Variants in ZSCAN20 observed in about 807,000 individuals in gnomAD.
ZSCAN20 encodes the protein zinc finger and SCAN domain containing 20, also known as zinc finger and SCAN domain-containing protein 20.
A neutral mutation model predicts 97.1 loss-of-function variants in ZSCAN20; 39 were observed. That is an observed-to-expected ratio of 0.40 (90% CI 0.31 to 0.52). The LOEUF is 0.52. ZSCAN20 is among the 20% of genes least tolerant of loss of function. ZSCAN20 has a pLI of 0.49. For missense variants in ZSCAN20, 1,115 were observed against 1,290.4 expected, an observed-to-expected ratio of 0.86 and a Z score of 2.08; for synonymous variants, 456 against 467.3, an observed-to-expected ratio of 0.98 and a Z score of 0.31.
chr1:33,474,326 A>C (rs1651840612), intron 1 of ZSCAN20, among the ~76,000 whole-genome samples: 1 of 152,228 alleles, frequency 6.6e-6, no homozygotes, highest in Non-Finnish European at 1.5e-5. Flanking sequence ...CTGTCAGCCA[A>C]ATGGGCCTGA....
chr1:33,490,919 T>C, intron 5 of ZSCAN20, 106 bp from the exon 6 acceptor site: 1 of 1,098,544 alleles, frequency 9.1e-7, no homozygotes, highest in South Asian at 1.7e-5. Context: ...CTTGGGAATT[T>C]CTCGTTAGCC....
chr1:33,494,219 T>A lies in ZSCAN20; in HGVS notation c.1875T>A (p.Gly625=). Reference sequence around the variant, plus strand: ...CTGCATTTCTGTCCATTTTTTCAGGTTTTGAAATGAGGCATGAGGATGAAG... The same window carrying A: ...CTGCATTTCTGTCCATTTTTTCAGGATTTGAAATGAGGCATGAGGATGAAG... ...STLCPKAPDM[G]FEMRHEDEDQ... The change falls in exon 8 of 8, where the codon GGT becomes GGA. Residue 625 remains glycine (G), a splice_region_variant and synonymous_variant. Coordinates refer to ENST00000684572, the MANE Select transcript of ZSCAN20 (RefSeq NM_001377376.1). 3 of 1,551,122 alleles carry A rather than the reference T, an allele frequency of 1.9e-6. No homozygotes were observed. Among genetic ancestry groups the A allele is most frequent in the Non-Finnish European group, 2.6e-6 (3 of 1,150,542 alleles).
In ZSCAN20 at chr1:33,491,722, GT is replaced by G. The variant is rs755813920; in HGVS notation, c.1444+21del. 2 of 1,539,216 alleles carry G rather than the reference GT, an allele frequency of 1.3e-6. No individual in the cohort carries two copies. Among genetic ancestry groups the G allele is most frequent in the African/African-American group, 2.8e-5 (2 of 72,130 alleles). ...GTATTGGTAAGAACATGGGGGTTTA[GT>G]CAGATTCAGATTTCCAACCCTCCTA... is the stretch of plus-strand genomic sequence containing the variant. On this transcript the variant is annotated intron_variant, in intron 6 of 7. Transcript: ENST00000684572. The surrounding 1 kb of genome is among the most constrained non-coding windows in gnomAD (Gnocchi z 4.3).
At chr1:33,478,768 C>T (rs1015074206) in intron 1 of ZSCAN20, among the ~76,000 whole-genome samples, 1 of 152,020 alleles carries the variant, frequency 6.6e-6, no homozygotes, top group Non-Finnish European at 1.5e-5. Flanking sequence ...GAAGGTTGGA[C>T]TTTGGACATG....
intron 2 of ZSCAN20, among the ~76,000 whole-genome samples, chr1:33,484,152 A>G (rs765133750): frequency 2.2e-4 from 34 of 152,218 alleles, no homozygotes; most frequent in South Asian, 4.1e-4. Context: ...TTTGTGAACA[A>G]AGAGTCTTTT....
chr1:33,476,513 C>T (rs771903491), intron 1 of ZSCAN20, among the ~76,000 whole-genome samples: 2 of 152,188 alleles, frequency 1.3e-5, no homozygotes, highest in Non-Finnish European at 2.9e-5. Context: ...TGCAGGAACG[C>T]AAATGTCTTT....
chr1:33,483,141 C>T (rs1652217152), intron 2 of ZSCAN20, among the ~76,000 whole-genome samples: 1 of 151,952 alleles, frequency 6.6e-6, no homozygotes, highest in South Asian at 2.1e-4. Context: ...CATTGCTATA[C>T]CTGACATTAT....
chr1:33,491,104 T>C lies in ZSCAN20; in HGVS notation c.846T>C (p.Ser282=). The change falls in exon 6 of 8, where the codon TCT becomes TCC. Residue 282 remains serine, a synonymous_variant. Coordinates refer to ENST00000684572, the MANE Select transcript of ZSCAN20 (RefSeq NM_001377376.1). The surrounding 1 kb of genome is among the most constrained non-coding windows in gnomAD (Gnocchi z 4.3). The part of the protein sequence containing the change: ...PEFWGLSLIN[S]GKRSTADYSL... ...TTTGGGGTCTAAGTCTTATAAATTCTGGGAAAAGGAGCACTGCAGATTACA... is the reference window on the plus strand; with the variant it reads ...TTTGGGGTCTAAGTCTTATAAATTCCGGGAAAAGGAGCACTGCAGATTACA... The C allele has an allele frequency of 6.2e-7, 1 of 1,613,556 alleles. No homozygotes were observed. Among genetic ancestry groups the C allele is most frequent in the Non-Finnish European group, 8.5e-7 (1 of 1,179,944 alleles).
At chr1:33,480,639 A>G (rs1400461539) in intron 2 of ZSCAN20, among the ~76,000 whole-genome samples, 2 of 152,232 alleles carry the variant, frequency 1.3e-5, no homozygotes, top group Non-Finnish European at 2.9e-5. Context: ...TGCTATTATC[A>G]TTGCCATTTG....
Position 33,493,183 on chromosome 1 carries a change from A to G in ZSCAN20, c.1445-4A>G. On this transcript the variant is annotated splice_polypyrimidine_tract_variant and splice_region_variant and intron_variant, in intron 6 of 7. Coordinates refer to ENST00000684572, the MANE Select transcript of ZSCAN20 (RefSeq NM_001377376.1). This position sits in a 1 kb window ranked among gnomAD's most constrained non-coding sequence, Gnocchi z 4.3. ...CACAGTTCTCAACTCTTCACTCCTG[A>G]CAGCAGGTGTGCACTGGGGCTATGA... is the stretch of plus-strand genomic sequence containing the variant. 1 of 1,611,922 alleles carries G rather than the reference A, an allele frequency of 6.2e-7. No homozygotes were observed. The highest frequency in any genetic ancestry group is 8.5e-7 in the Non-Finnish European group (1 of 1,178,148).
chr1:33,489,350 C>T, intron 4 of ZSCAN20, 159 bp downstream of exon 4: 1 of 981,192 alleles, frequency 1.0e-6, no homozygotes. Flanking sequence ...GGGCCCCAAA[C>T]ATCCCCAAAC....
chr1:33,489,004 T>G, intron 3 of ZSCAN20, 111 bp from the exon 4 acceptor site: 2 of 872,428 alleles, frequency 2.3e-6, no homozygotes, highest in Non-Finnish European at 3.6e-6. Flanking sequence ...GCACTGGCCA[T>G]AGGGATAGCC....
rs955468999 is a variant in ZSCAN20, at chr1:33,498,134, T to C, written c.*2658T>C. On this transcript the variant is annotated 3_prime_UTR_variant, in exon 8 of 8. Coordinates refer to ENST00000684572, the MANE Select transcript of ZSCAN20 (RefSeq NM_001377376.1). ...ACTCCCACCCACTACCATCATGTTC[T>C]GGACCCTGTCTTCTTTGTTACTGAC... 6.6e-6 allele frequency among the ~76,000 whole-genome samples: 1 copy of C among 152,202 alleles called. No individual in the cohort carries two copies. The highest frequency in any genetic ancestry group is 1.5e-5 in the Non-Finnish European group (1 of 68,042).
At chr1:33,489,331 C>T (rs1652503164) in intron 4 of ZSCAN20, 140 bp downstream of exon 4, 1 of 1,066,634 alleles carries the variant, frequency 9.4e-7, no homozygotes, top group African/African-American at 1.6e-5. Context: ...CCTTCACCCC[C>T]AGCCTGCTGG....
intron 2 of ZSCAN20, among the ~76,000 whole-genome samples, chr1:33,485,533 C>CCCA (rs59405726): frequency 6.6e-6 from 1 of 151,588 alleles, no homozygotes; most frequent in Non-Finnish European, 1.5e-5. Flanking sequence ...CCTCAGCCCC[C>CCCA]TGTAGCTGGG....
rs758873291 is a variant in ZSCAN20 at position 33,489,565 on chromosome 1, C to A, written c.729C>A (p.Asp243Glu). The change falls in exon 5 of 8, where the codon GAC (aspartate) becomes GAA (glutamate). Residue 243 changes from aspartate (D) to glutamate (E), a missense_variant. This residue lies in a region of ZSCAN20 where 508 missense variants were observed against 611.2 expected (regional missense o/e 0.83). Transcript: ENST00000684572. ...ATGCTGAGAAGGAGCTCTGTAAAGA[C>A]CCCCCAGGAGACGACTGTGGGAACA... ...GKHAEKELCK[D>E]PPGDDCGNSV... The A allele has an allele frequency of 5.6e-6, 9 of 1,613,972 alleles. No individual in the cohort carries two copies. The highest frequency in any genetic ancestry group is 7.6e-6 in the Non-Finnish European group (9 of 1,179,908).
intron 2 of ZSCAN20, among the ~76,000 whole-genome samples, chr1:33,487,564 T>A (rs1479298222): frequency 1.3e-5 from 2 of 152,194 alleles, no homozygotes; most frequent in Non-Finnish European, 2.9e-5. Context: ...TTTTTCCTTT[T>A]GAGTTAGAGT....
In ZSCAN20 at chr1:33,500,601, T is replaced by G. The variant is rs1976258; in HGVS notation, c.*5125T>G. Among the ~76,000 whole-genome samples, 1 of 151,198 alleles carries G rather than the reference T, an allele frequency of 6.6e-6. No individual in the cohort carries two copies. The highest frequency in any genetic ancestry group is 2.4e-5 in the African/African-American group (1 of 41,096). On this transcript the variant is annotated 3_prime_UTR_variant, in exon 8 of 8. Transcript: ENST00000684572. ...TAATGAGGGCGCTGTTGGTGATTCT[T>G]TTTGTGTGTAAAGATGCTTCTGATC...
chr1:33,494,756 C>G lies in ZSCAN20; in HGVS notation c.2412C>G (p.Asn804Lys). The change falls in exon 8 of 8, where the codon AAC becomes AAG. Residue 804 changes from asparagine to lysine, a missense_variant. Asn to Lys is a moderately conservative substitution (Grantham distance 94, BLOSUM62 0). This residue lies in a region of ZSCAN20 where 554 missense variants were observed against 584.9 expected (regional missense o/e 0.95). Coordinates refer to ENST00000684572, the MANE Select transcript of ZSCAN20 (RefSeq NM_001377376.1). ...YKCGECWKSF[N>K]QSSNLLKHQR... The stretch of plus-strand genomic sequence containing the variant: ...GTGGAGAATGTTGGAAAAGCTTCAA[C>G]CAGAGCTCAAACCTTCTGAAACATC... 1 of 1,614,070 alleles carries G rather than the reference C, an allele frequency of 6.2e-7. No homozygotes were observed. Among genetic ancestry groups the G allele is most frequent in the Non-Finnish European group, 8.5e-7 (1 of 1,180,022 alleles).
Sources: allele counts gnomAD v4.1 joint callset (sites outside exome capture counted in the v4.1 genomes callset), GRCh38; gene constraint gnomAD v4.1.1; regional missense constraint gnomAD v4.1.1; non-coding constraint Gnocchi (gnomAD v3.1); transcripts MANE v1.5; gene names NCBI Gene and HGNC (gene_info 2026-07-23, HGNC 2026-07-21).